Variants in ZNF718 observed in about 807,000 individuals in gnomAD.
The protein encoded by ZNF718 is zinc finger protein 718.
Under a neutral mutation model 2.6 loss-of-function variants are expected in ZNF718, and 3 were observed. The observed-to-expected ratio is 1.16, with a 90% CI of 0.53 to 3.01. The LOEUF (loss-of-function observed/expected upper bound fraction) is 3.01. Among genes scored for constraint, ZNF718 ranks in the 30% most tolerant of loss-of-function variants. ZNF718 has a pLI of 0.03. For synonymous variants in ZNF718, 135 were observed against 77.9 expected, an observed-to-expected ratio of 1.73 and a Z score of -3.86; for missense variants, 468 against 230.0, an observed-to-expected ratio of 2.03 and a Z score of -6.69.
intron 3 of ZNF718, among the ~76,000 whole-genome samples, chr4:191,104 G>T (rs181585889): frequency 1.1e-3 from 159 of 149,514 alleles, no homozygotes; most frequent in African/African-American, 3.5e-3. Context: ...TTTAGAGTTG[G>T]TATCTTCTAA....
chr4:152,216 A>G (rs1716356623), intron 3 of ZNF718, among the ~76,000 whole-genome samples: 1 of 145,312 alleles, frequency 6.9e-6, no homozygotes, highest in Non-Finnish European at 1.5e-5. Context: ...GGCAGGAGAC[A>G]GATGCCTTCC....
chr4:172,769 A>T (rs1717265128), intron 3 of ZNF718, among the ~76,000 whole-genome samples: 1 of 151,906 alleles, frequency 6.6e-6, no homozygotes, highest in African/African-American at 2.4e-5. Context: ...ATAAAACATG[A>T]TACATGCCAG....
At chr4:198,652 G>T (rs1392612816) in intron 3 of ZNF718, among the ~76,000 whole-genome samples, 1 of 152,188 alleles carries the variant, frequency 6.6e-6, no homozygotes, top group Non-Finnish European at 1.5e-5. Context: ...AGGTGGACAG[G>T]TGGCCATATT....
rs189068222 is a variant in ZNF718 at position 145,743 on chromosome 4, A to G, written c.226+14238A>G. 2.9e-4 allele frequency among the ~76,000 whole-genome samples: 44 copies of G among 152,200 alleles called. 1 individual carries two copies. The East Asian group carries it at 6.9e-3, about 24-fold the overall frequency. On this transcript the variant is annotated intron_variant, in intron 3 of 3. Transcript: ENST00000510175. The stretch of plus-strand genomic sequence containing the variant: ...CAAGTGCTAGGATTACATGCATGAG[A>G]CATCACACCCAGTGCTTCTTTTTTT...
In ZNF718 at chr4:127,448, C is replaced by A. The variant is rs1303309465; in HGVS notation, c.3+2775C>A. The stretch of plus-strand genomic sequence containing the variant: ...ACACGGATTCAGAGATCACGGGGCC[C>A]ATAAACCCAACCAGGATCATACATG... On this transcript the variant is annotated intron_variant, in intron 1 of 3. Coordinates refer to ENST00000510175, the MANE Select transcript of ZNF718 (RefSeq NM_001039127.6). Among the ~76,000 whole-genome samples the A allele has an allele frequency of 6.8e-5, 7 of 103,578 alleles. 3 individuals carry two copies. Among genetic ancestry groups the A allele is most frequent in the Non-Finnish European group, 1.5e-4 (7 of 46,532 alleles). 68.0% of individuals were successfully genotyped at this position (103,578 alleles called of 152,430 possible). A position where few individuals can be genotyped will look rare whatever the true frequency, so the allele number is the denominator to read the frequency against.
intron 3 of ZNF718, among the ~76,000 whole-genome samples, chr4:137,105 G>C (rs1715601924): frequency 6.6e-6 from 1 of 152,070 alleles, no homozygotes; most frequent in Admixed American, 6.5e-5. Context: ...TCTTGCTCCT[G>C]CTCCCACTAT....
intron 2 of ZNF718, among the ~76,000 whole-genome samples, 168 bp downstream of exon 2, chr4:131,082 T>G (rs1433963937): frequency 9.6e-6 from 1 of 104,696 alleles, no homozygotes; most frequent in African/African-American, 3.3e-5. Flanking sequence ...GGATGTTTCA[T>G]CTTTACATAA....
At chr4:146,782 T>A (rs890505593) in intron 3 of ZNF718, among the ~76,000 whole-genome samples, 8 of 151,706 alleles carry the variant, frequency 5.3e-5, no homozygotes, top group Non-Finnish European at 7.4e-5. Flanking sequence ...TGTTTTTTTT[T>A]TATATAGCTG....
chr4:180,094 C>T (rs1351618363), intron 3 of ZNF718, among the ~76,000 whole-genome samples: 1 of 152,086 alleles, frequency 6.6e-6, no homozygotes, highest in African/African-American at 2.4e-5. Flanking sequence ...ATCTGGATAA[C>T]GTAATCACTG....
chr4:153,284 A>G (rs770997802), intron 3 of ZNF718, among the ~76,000 whole-genome samples: 2 of 152,082 alleles, frequency 1.3e-5, no homozygotes, highest in Non-Finnish European at 2.9e-5. Flanking sequence ...GTCTATTTTT[A>G]TGCCAGAATC....
At chr4:191,144 C>CTTT (rs1194078764) in intron 3 of ZNF718, among the ~76,000 whole-genome samples, 35 of 122,266 alleles carry the variant, frequency 2.9e-4, no homozygotes, top group Non-Finnish European at 3.7e-4. Context: ...AGACATAAGT[C>CTTT]TTTTTTTTTT....
intron 3 of ZNF718, among the ~76,000 whole-genome samples, chr4:180,945 C>T (rs1226515196): frequency 1.3e-5 from 2 of 152,020 alleles, no homozygotes; most frequent in African/African-American, 4.8e-5. Context: ...AAATGTTTTG[C>T]CATTAAATAT....
intron 3 of ZNF718, among the ~76,000 whole-genome samples, chr4:147,925 T>C (rs1020292915): frequency 1.3e-5 from 2 of 152,148 alleles, no homozygotes; most frequent in African/African-American, 4.8e-5. Context: ...TGTTATCTGG[T>C]GTGACTCCTG....
At chr4:181,667 C>G (rs1353120994) in intron 3 of ZNF718, among the ~76,000 whole-genome samples, 1 of 152,006 alleles carries the variant, frequency 6.6e-6, no homozygotes, top group African/African-American at 2.4e-5. Flanking sequence ...CACTGTATTT[C>G]CAACTCTTAA....
rs1715308107 is a variant in ZNF718 at position 129,776 on chromosome 4, T to TA, written c.4-1012_4-1011insA. 4.6e-5 allele frequency among the ~76,000 whole-genome samples: 3 copies of TA among 65,806 alleles called. 1 individual carries two copies. The highest frequency in any genetic ancestry group is 1.6e-4 in the African/African-American group (3 of 18,876). The allele number at this position is 65,806 out of a possible 152,430, so 43.2% of individuals were successfully genotyped here. A position where few individuals can be genotyped will look rare whatever the true frequency, so the allele number is the denominator to read the frequency against. On this transcript the variant is annotated intron_variant, in intron 1 of 3. Coordinates refer to ENST00000510175, the MANE Select transcript of ZNF718 (RefSeq NM_001039127.6). ...TATATTGAGCTATTATTCTACGCAT[T>TA]TAAAAAAAAAAACAATGATAAGAAA...
chr4:142,500 C>T (rs577341575), intron 3 of ZNF718, among the ~76,000 whole-genome samples: 62 of 152,254 alleles, frequency 4.1e-4, no homozygotes, highest in African/African-American at 1.4e-3. Flanking sequence ...TAACCCACAC[C>T]GTGGGCTAAA....
intron 3 of ZNF718, among the ~76,000 whole-genome samples, chr4:191,901 G>A (rs2108816670): frequency 6.6e-6 from 1 of 152,280 alleles, no homozygotes; most frequent in East Asian, 1.9e-4. Context: ...TCCAAGGAAT[G>A]GAACCTTGGG....
At chr4:142,415 TGTAA>T in intron 3 of ZNF718, among the ~76,000 whole-genome samples, 1 of 152,326 alleles carries the variant, frequency 6.6e-6, no homozygotes, top group Admixed American at 6.5e-5. Context: ...GCCCAGTCAG[TGTAA>T]GTAAGAAACT....
In ZNF718 at chr4:187,061, T is replaced by G. The variant is rs1717580036; in HGVS notation, c.227-14020T>G. Among the ~76,000 whole-genome samples the G allele has an allele frequency of 3.9e-5, 6 of 152,206 alleles. No homozygotes were observed. In the South Asian group the frequency reaches 1.2e-3, roughly 31 times the overall value. On this transcript the variant is annotated intron_variant and NMD_transcript_variant, in intron 3 of 4. Coordinates refer to the ZNF718 transcript ENST00000642529. ...CTTATCTATTTTCAATCTTTCAGGTTGCTGACCTTTGGATGGGGTTATTGT... is the reference window on the plus strand; with the variant it reads ...CTTATCTATTTTCAATCTTTCAGGTGGCTGACCTTTGGATGGGGTTATTGT...
Sources: allele counts gnomAD v4.1 joint callset (sites outside exome capture counted in the v4.1 genomes callset), GRCh38; gene constraint gnomAD v4.1.1; transcripts MANE v1.5; gene names NCBI Gene and HGNC (gene_info 2026-07-23, HGNC 2026-07-21).